Variants in CAPZA2 observed in about 807,000 individuals in gnomAD.
The protein encoded by CAPZA2 is F-actin-capping protein subunit alpha-2.
In CAPZA2, 13 loss-of-function variants were observed where a neutral mutation model predicts 44.0. The observed-to-expected ratio is 0.30, with a 90% confidence interval of 0.19 to 0.47. CAPZA2 has a LOEUF of 0.47. CAPZA2 is among the 20% of genes least tolerant of loss of function. The probability of loss-of-function intolerance (pLI) is 1.00; values close to 1 mark genes in which losing one functional copy is unlikely to be tolerated. For missense variants in CAPZA2, 244 were observed against 338.6 expected (o/e 0.72, Z 2.19); for synonymous variants, 94 against 108.2 (o/e 0.87, Z 0.81).
At chr7:116,898,622 T>C (rs1030850633) in intron 3 of CAPZA2, 150 bp from the exon 4 acceptor site, 55 of 446,166 alleles carry the variant, frequency 1.2e-4, no homozygotes, top group Middle Eastern at 1.2e-3. Flanking sequence ...TTGTAGTTAG[T>C]ATAAGTTCAG....
chr7:116,894,502 A>G (rs1215733015), intron 3 of CAPZA2, among the ~76,000 whole-genome samples: 2 of 152,144 alleles, frequency 1.3e-5, no homozygotes, highest in Non-Finnish European at 2.9e-5. Context: ...TTTGCTTGTG[A>G]TTAAAATTTC....
rs1043035747 is a variant in CAPZA2 at position 116,889,711 on chromosome 7, G to A, written c.103+1521G>A. ...ACAAACTACAATAATACATGATTTA[G>A]TGCATACAATTACATATGGCAGTTC... On this transcript the variant is annotated intron_variant, in intron 2 of 9. Coordinates refer to ENST00000361183, the MANE Select transcript of CAPZA2 (RefSeq NM_006136.3). 3.9e-5 allele frequency among the ~76,000 whole-genome samples: 6 copies of A among 152,126 alleles called. 1 individual carries two copies. The highest frequency in any genetic ancestry group is 3.9e-4 in the Admixed American group (6 of 15,282).
At chr7:116,902,112 A>C (rs1797003759) in intron 4 of CAPZA2, among the ~76,000 whole-genome samples, 1 of 152,122 alleles carries the variant, frequency 6.6e-6, no homozygotes, top group Admixed American at 6.6e-5. Context: ...TTTTATACAG[A>C]TATTGGCATA....
intron 1 of CAPZA2, among the ~76,000 whole-genome samples, chr7:116,871,271 G>A (rs1796551319): frequency 1.3e-5 from 2 of 152,290 alleles, no homozygotes; most frequent in South Asian, 4.2e-4. Flanking sequence ...AGGTGCTGAG[G>A]TCACAGAATG....
intron 1 of CAPZA2, among the ~76,000 whole-genome samples, chr7:116,871,279 A>C (rs1217612566): frequency 2.0e-5 from 3 of 152,242 alleles, no homozygotes; most frequent in Admixed American, 2.0e-4. Flanking sequence ...AGGTCACAGA[A>C]TGTGACGAGA....
At chr7:116,898,892 C>A in intron 4 of CAPZA2, 57 bp downstream of exon 4, 1 of 1,051,382 alleles carries the variant, frequency 9.5e-7, no homozygotes, top group Non-Finnish European at 1.4e-6. Flanking sequence ...AGGTATCCTG[C>A]AAGAGCTGTG....
intron 9 of CAPZA2, among the ~76,000 whole-genome samples, chr7:116,916,471 A>G (rs1195966044): frequency 6.6e-6 from 1 of 152,202 alleles, no homozygotes; most frequent in African/African-American, 2.4e-5. Flanking sequence ...AAAAATACAA[A>G]AATTAGCTGT....
intron 3 of CAPZA2, among the ~76,000 whole-genome samples, chr7:116,896,620 G>T (rs1796932422): frequency 6.6e-6 from 1 of 152,064 alleles, no homozygotes. Flanking sequence ...AAAAGTATAA[G>T]ATACAACTTG....
intron 4 of CAPZA2, 108 bp downstream of exon 4, chr7:116,898,943 T>A: frequency 1.7e-6 from 1 of 590,188 alleles, no homozygotes; most frequent in Non-Finnish European, 2.9e-6. Flanking sequence ...CATATTTTAA[T>A]CATAACCACT....
chr7:116,881,510 T>C (rs565340070), intron 1 of CAPZA2, among the ~76,000 whole-genome samples: 19 of 152,020 alleles, frequency 1.2e-4, no homozygotes, highest in South Asian at 4.2e-4. Flanking sequence ...GAGGCCAAGG[T>C]GGGCGGATCA....
intron 3 of CAPZA2, 40 bp from the exon 4 acceptor site, chr7:116,898,732 A>C: frequency 7.4e-7 from 1 of 1,350,994 alleles, no homozygotes; most frequent in East Asian, 2.3e-5. Flanking sequence ...AAAAACATTA[A>C]ATATATAATT....
At chr7:116,879,138 A>AAAG (rs1796657402) in intron 1 of CAPZA2, among the ~76,000 whole-genome samples, 1 of 151,088 alleles carries the variant, frequency 6.6e-6, no homozygotes. Flanking sequence ...AAAAAAAAAA[A>AAAG]AAAAAAAAAA....
intron 1 of CAPZA2, among the ~76,000 whole-genome samples, chr7:116,863,464 T>TA (rs1258082885): frequency 3.3e-5 from 5 of 152,212 alleles, no homozygotes; most frequent in Non-Finnish European, 5.9e-5. Context: ...TTTTACTGTA[T>TA]ATTAGATGCT....
Position 116,920,997 on chromosome 7 carries a change from G to A in CAPZA2, c.*3130G>A, listed in dbSNP as rs1262574895. ...GAATTTCAGCTGGGTAAGCAGGGAA[G>A]TGAGGGCTTGAGACGGGGGGAGGGA... On this transcript the variant is annotated 3_prime_UTR_variant, in exon 10 of 10. Coordinates refer to ENST00000361183, the MANE Select transcript of CAPZA2 (RefSeq NM_006136.3). 6.6e-6 allele frequency: 1 copy of A among 152,426 alleles called. No homozygotes were observed. The highest frequency in any genetic ancestry group is 1.9e-4 in the East Asian group (1 of 5,206). The allele number at this position is 152,426 out of a possible 1,614,324, so 9.4% of individuals were successfully genotyped here.
intron 7 of CAPZA2, 86 bp from the exon 8 acceptor site, chr7:116,911,983 G>A: frequency 2.5e-6 from 4 of 1,582,012 alleles, no homozygotes; most frequent in Non-Finnish European, 3.4e-6. Context: ...GAAATATGTA[G>A]TCAGTCTGCA....
chr7:116,876,130 GTCCCAGC>G (rs953598171), intron 1 of CAPZA2: 1 of 151,986 alleles, frequency 6.6e-6, no homozygotes, highest in Non-Finnish European at 1.5e-5. Flanking sequence ...GGCACCTGTA[GTCCCAGC>G]TACTCAGGAG....
intron 1 of CAPZA2, among the ~76,000 whole-genome samples, chr7:116,879,183 T>A (rs978673260): frequency 3.7e-4 from 54 of 144,088 alleles, no homozygotes; most frequent in Admixed American, 6.9e-5. Context: ...AATGCAGGCA[T>A]ACTTCTTATC....
Position 116,884,090 on chromosome 7 carries a change from C to T in CAPZA2, c.40-4037C>T, listed in dbSNP as rs183745038. On this transcript the variant is annotated intron_variant, in intron 1 of 9. Transcript: ENST00000361183. ...GGGGATAAGGAAATGAAGATACTTA[C>T]GTAATCATAATAGACTCCAGTGTAT... Among the ~76,000 whole-genome samples, 9 of 152,236 alleles carry T rather than the reference C, an allele frequency of 5.9e-5. No individual in the cohort carries two copies. The South Asian group carries it at 1.5e-3, about 25-fold the overall frequency.
intron 1 of CAPZA2, among the ~76,000 whole-genome samples, chr7:116,879,142 A>G (rs1267849733): frequency 3.3e-5 from 5 of 151,082 alleles, no homozygotes; most frequent in African/African-American, 4.9e-5. Context: ...AAAAAAAAAA[A>G]AAAAAAAGAA....
Sources: gnomAD v4.1 joint callset for allele counts (sites outside exome capture counted in the v4.1 genomes callset) on GRCh38, gnomAD v4.1.1 for gene constraint, MANE v1.5 for transcripts, NCBI Gene and HGNC (gene_info 2026-07-23, HGNC 2026-07-21) for gene names.